NCKAP5: variants seen among roughly 807,000 people sequenced by gnomAD.
NCKAP5 encodes the protein nck-associated protein 5.
A neutral mutation model predicts 167.0 loss-of-function variants in NCKAP5; 92 were observed. That is an observed-to-expected ratio of 0.55 (90% CI 0.47 to 0.66). NCKAP5 has a LOEUF of 0.66. NCKAP5 is among the 30% of genes least tolerant of loss of function. NCKAP5 has a pLI of 0.00. For missense variants in NCKAP5, 2,378 were observed against 2,315.0 expected (o/e 1.03, Z -0.56); for synonymous variants, 891 against 877.4 (o/e 1.02, Z -0.27).
At chr2:133,510,510 T>C (rs781670283) in intron 3 of NCKAP5, among the ~76,000 whole-genome samples, 33 of 152,242 alleles carry the variant, frequency 2.2e-4, no homozygotes, top group African/African-American at 7.0e-4. Flanking sequence ...ACCTACATTC[T>C]ACATTCCTTA....
chr2:132,983,174 C>T (rs1298770047), intron 7 of NCKAP5, among the ~76,000 whole-genome samples: 1 of 152,140 alleles, frequency 6.6e-6, no homozygotes, highest in Non-Finnish European at 1.5e-5. Flanking sequence ...TGAAATTTTA[C>T]TGAAGTCATT....
At position 132,785,410 on chromosome 2, in the gene NCKAP5, T is replaced by C; in HGVS notation, c.1401A>G (p.Thr467=). 6.2e-7 allele frequency: 1 copy of C among 1,613,944 alleles called. No homozygotes were observed. ...LGSPCKEPHK[T]FVYDLDSHVD... ...CGTGGGAATCTAGATCATAAACAAA[T>C]GTCTTGTGGGGTTCCTTGCAGGGGC... The change falls in exon 14 of 20, where the codon ACA becomes ACG. Residue 467 remains threonine, a synonymous_variant. Coordinates refer to ENST00000409261, the MANE Select transcript of NCKAP5 (RefSeq NM_207363.3).
At chr2:132,873,825 G>T (rs1323504427) in intron 9 of NCKAP5, among the ~76,000 whole-genome samples, 1 of 152,174 alleles carries the variant, frequency 6.6e-6, no homozygotes, top group Non-Finnish European at 1.5e-5. Context: ...AAATATATAT[G>T]TGGGATTTGG....
In NCKAP5 at chr2:132,693,497, G is replaced by A. The variant is rs1686996368; in HGVS notation, c.5714-20192C>T. 2.6e-5 allele frequency among the ~76,000 whole-genome samples: 4 copies of A among 151,954 alleles called. No homozygotes were observed. In the South Asian group the frequency reaches 8.3e-4, roughly 32 times the overall value. The stretch of plus-strand genomic sequence containing the variant: ...GAGAGCTGTGCGGCTGCAAACCAAG[G>A]AAGACCAGGGATTGCTGGCAATGAC... On this transcript the variant is annotated intron_variant, in intron 19 of 19. Transcript: ENST00000409261.
At chr2:132,794,263 T>TATAGAGAGAG (rs762281677) in intron 12 of NCKAP5, among the ~76,000 whole-genome samples, 9 of 11,912 alleles carry the variant, frequency 7.6e-4, no homozygotes, top group Non-Finnish European at 1.0e-3. Flanking sequence ...TATATATATA[T>TATAGAGAGAG]AGAGAGAGAG....
At chr2:133,356,270 C>T (rs914466393) in intron 3 of NCKAP5, among the ~76,000 whole-genome samples, 6 of 152,128 alleles carry the variant, frequency 3.9e-5, no homozygotes, top group Admixed American at 3.3e-4. Context: ...CAGACCTGTG[C>T]CTTGTGTTTT....
At chr2:133,093,336 C>T (rs2081249252) in intron 6 of NCKAP5, among the ~76,000 whole-genome samples, 1 of 152,200 alleles carries the variant, frequency 6.6e-6, no homozygotes, top group Non-Finnish European at 1.5e-5. Flanking sequence ...GAGTTTGACT[C>T]TAAGAGTTAT....
At chr2:132,706,116 T>G (rs1688337155) in intron 19 of NCKAP5, among the ~76,000 whole-genome samples, 1 of 151,924 alleles carries the variant, frequency 6.6e-6, no homozygotes, top group Non-Finnish European at 1.5e-5. Flanking sequence ...TACACACATT[T>G]TTTTAAAATA....
chr2:133,223,502 A>C (rs2086746016), intron 4 of NCKAP5, among the ~76,000 whole-genome samples: 1 of 152,156 alleles, frequency 6.6e-6, no homozygotes, highest in Non-Finnish European at 1.5e-5. Flanking sequence ...TCCCTGAGTA[A>C]TGGTTAAGTT....
intron 2 of NCKAP5, among the ~76,000 whole-genome samples, chr2:133,529,350 C>T (rs1685176837): frequency 6.6e-6 from 1 of 152,044 alleles, no homozygotes; most frequent in South Asian, 2.1e-4. Flanking sequence ...ATATAAGTGG[C>T]ATTGACATCT....
At chr2:132,772,032 C>T (rs1390937682) in intron 16 of NCKAP5, among the ~76,000 whole-genome samples, 1 of 151,870 alleles carries the variant, frequency 6.6e-6, no homozygotes, top group African/African-American at 2.4e-5. Context: ...CTATGTTTAG[C>T]TCTGGGTAGA....
chr2:133,255,938 T>C (rs1332756233), intron 4 of NCKAP5, among the ~76,000 whole-genome samples: 1 of 152,190 alleles, frequency 6.6e-6, no homozygotes. Flanking sequence ...ATGCTTTCCC[T>C]TAAAGATTTA....
At chr2:132,987,596 TG>T (rs1559023050) in intron 7 of NCKAP5, among the ~76,000 whole-genome samples, 1 of 151,990 alleles carries the variant, frequency 6.6e-6, no homozygotes, top group East Asian at 1.9e-4. Flanking sequence ...GATCAATGAC[TG>T]AAAAAAAAGA....
chr2:133,000,075 C>T (rs1414229571), intron 6 of NCKAP5, among the ~76,000 whole-genome samples: 1 of 151,982 alleles, frequency 6.6e-6, no homozygotes, highest in Non-Finnish European at 1.5e-5. Flanking sequence ...TTCAATATTC[C>T]TTAATATTCT....
At chr2:132,914,674 T>C (rs1694724919) in intron 8 of NCKAP5, among the ~76,000 whole-genome samples, 1 of 152,024 alleles carries the variant, frequency 6.6e-6, no homozygotes, top group African/African-American at 2.4e-5. Flanking sequence ...ACTTCTGAAT[T>C]CTATGACCAC....
chr2:133,611,740 T>A, the NCKAP5 span, among the ~76,000 whole-genome samples: 1 of 152,122 alleles, frequency 6.6e-6, no homozygotes, highest in African/African-American at 2.4e-5. Context: ...CTCACTTCTC[T>A]CCAAAATAGA....
chr2:133,194,666 A>G (rs2150094657), intron 5 of NCKAP5, among the ~76,000 whole-genome samples: 1 of 151,982 alleles, frequency 6.6e-6, no homozygotes, highest in African/African-American at 2.4e-5. Flanking sequence ...TATTTTCTGC[A>G]GCTTTGGTCT....
intron 11 of NCKAP5, among the ~76,000 whole-genome samples, chr2:132,809,475 T>C (rs905921548): frequency 6.6e-6 from 1 of 151,842 alleles, no homozygotes; most frequent in Admixed American, 6.6e-5. Flanking sequence ...ATTTTTAGGA[T>C]TGTGATATTT....
chr2:133,215,888 T>C (rs1286870245), intron 4 of NCKAP5, among the ~76,000 whole-genome samples: 1 of 152,114 alleles, frequency 6.6e-6, no homozygotes. Context: ...TCTGATGAAA[T>C]TTACTACACA....
Sources: allele counts gnomAD v4.1 joint callset (sites outside exome capture counted in the v4.1 genomes callset), GRCh38; gene constraint gnomAD v4.1.1; transcripts MANE v1.5; gene names NCBI Gene and HGNC (gene_info 2026-07-23, HGNC 2026-07-21).